SHISA6: variants seen among roughly 807,000 people sequenced by gnomAD.
SHISA6 encodes the protein shisa family member 6.
In SHISA6, 22 loss-of-function variants were observed where a neutral mutation model predicts 47.9. The observed-to-expected ratio is 0.46, with a 90% CI of 0.33 to 0.66. SHISA6 has a LOEUF of 0.66. Ranked by LOEUF, SHISA6 falls within the 30% of genes least tolerant of loss-of-function variation. SHISA6 has a pLI of 0.02. For missense variants in SHISA6, 680 were observed against 764.6 expected, an observed-to-expected ratio of 0.89 and a Z score of 1.30; for synonymous variants, 388 against 337.8, an observed-to-expected ratio of 1.15 and a Z score of -1.63.
At chr17:11,259,350 G>A (rs1176421951) in intron 1 of SHISA6, among the ~76,000 whole-genome samples, 1 of 152,176 alleles carries the variant, frequency 6.6e-6, no homozygotes, top group Non-Finnish European at 1.5e-5. Context: ...GCTACCGATG[G>A]CACATCCCTT....
At chr17:11,534,458 T>C (rs909574713) in intron 3 of SHISA6, among the ~76,000 whole-genome samples, 5 of 152,182 alleles carry the variant, frequency 3.3e-5, no homozygotes, top group Admixed American at 6.5e-5. Flanking sequence ...GGAAGGGCTA[T>C]GTTAGACTCC....
At chr17:11,454,986 G>A (rs1259857225) in intron 3 of SHISA6, among the ~76,000 whole-genome samples, 1 of 151,634 alleles carries the variant, frequency 6.6e-6, no homozygotes, top group Non-Finnish European at 1.5e-5. Context: ...TGGCTAACAG[G>A]GTGAAATCCT....
chr17:11,457,794 A>C (rs190488311), intron 3 of SHISA6, among the ~76,000 whole-genome samples: 16 of 150,276 alleles, frequency 1.1e-4, no homozygotes, highest in African/African-American at 3.7e-4. Context: ...ATAAAAATAG[A>C]GAATGCCTGG....
intron 1 of SHISA6, among the ~76,000 whole-genome samples, chr17:11,244,998 G>A (rs1394853690): frequency 6.6e-6 from 1 of 152,166 alleles, no homozygotes; most frequent in Non-Finnish European, 1.5e-5. Flanking sequence ...GCCTGCCCAT[G>A]CACACACATT....
chr17:11,302,529 T>C (rs1909965620), intron 2 of SHISA6, among the ~76,000 whole-genome samples: 1 of 152,166 alleles, frequency 6.6e-6, no homozygotes, highest in South Asian at 2.1e-4. Flanking sequence ...GTACATCTGG[T>C]ACATGAACGT....
chr17:11,382,518 T>C (rs1215073958), intron 3 of SHISA6, among the ~76,000 whole-genome samples: 1 of 152,216 alleles, frequency 6.6e-6, no homozygotes, highest in Non-Finnish European at 1.5e-5. Context: ...ACTGGCCCCA[T>C]GTAAATATCC....
intron 2 of SHISA6, among the ~76,000 whole-genome samples, chr17:11,302,206 C>G (rs992901250): frequency 1.3e-5 from 2 of 152,120 alleles, no homozygotes; most frequent in African/African-American, 4.8e-5. Flanking sequence ...AGGCCTAGAG[C>G]TTAACTTTAG....
At chr17:11,521,506 A>T (rs2142363233) in intron 3 of SHISA6, among the ~76,000 whole-genome samples, 1 of 152,334 alleles carries the variant, frequency 6.6e-6, no homozygotes, top group African/African-American at 2.4e-5. Flanking sequence ...AACTGAAGGC[A>T]GGCGCAGTGG....
intron 3 of SHISA6, among the ~76,000 whole-genome samples, chr17:11,440,362 A>C (rs1311218349): frequency 6.6e-6 from 1 of 152,066 alleles, no homozygotes; most frequent in Non-Finnish European, 1.5e-5. Flanking sequence ...GTATAGAGGA[A>C]AATCCAATTT....
intron 2 of SHISA6, among the ~76,000 whole-genome samples, chr17:11,339,211 G>T (rs578202148): frequency 6.6e-6 from 1 of 150,652 alleles, no homozygotes; most frequent in African/African-American, 2.4e-5. Flanking sequence ...ATTGCCCCTG[G>T]CCTGTTATAT....
intron 3 of SHISA6, among the ~76,000 whole-genome samples, chr17:11,458,459 G>A (rs11868952): frequency 1.3e-5 from 2 of 152,196 alleles, no homozygotes; most frequent in African/African-American, 4.8e-5. Flanking sequence ...AGACGCCGAA[G>A]AAGGAGTGAT....
At chr17:11,553,134 G>C (rs2071945348) in intron 4 of SHISA6, among the ~76,000 whole-genome samples, 1 of 152,194 alleles carries the variant, frequency 6.6e-6, no homozygotes, top group Non-Finnish European at 1.5e-5. Flanking sequence ...TGGACACCTG[G>C]AGTTTGCAAG....
intron 2 of SHISA6, chr17:11,288,998 C>T (rs994323092): frequency 1.3e-5 from 2 of 151,970 alleles, no homozygotes; most frequent in Admixed American, 6.6e-5. Flanking sequence ...TGAGGAGTAA[C>T]AAACATGGTA....
chr17:11,543,225 A>G (rs912857801), intron 3 of SHISA6, among the ~76,000 whole-genome samples: 1 of 152,214 alleles, frequency 6.6e-6, no homozygotes, highest in South Asian at 2.1e-4. Context: ...AATAATTTTT[A>G]TACTGCATTG....
At chr17:11,502,303 G>A (rs574854006) in intron 3 of SHISA6, among the ~76,000 whole-genome samples, 1 of 150,764 alleles carries the variant, frequency 6.6e-6, no homozygotes, top group South Asian at 2.1e-4. Flanking sequence ...CAGCTACTCG[G>A]GAGGCTGAGG....
chr17:11,372,852 C>T (rs1021845790), intron 2 of SHISA6, among the ~76,000 whole-genome samples: 3 of 152,036 alleles, frequency 2.0e-5, no homozygotes, highest in African/African-American at 7.2e-5. Flanking sequence ...CAGCTCTGTG[C>T]CTGTTCTGAG....
Position 11,561,974 on chromosome 17 carries a change from G to A in SHISA6, c.*3670G>A, listed in dbSNP as rs1157394925. The A allele has an allele frequency of 6.6e-6, 1 of 152,268 alleles. No homozygotes were observed. The highest frequency in any genetic ancestry group is 6.5e-5 in the Admixed American group (1 of 15,282). 9.4% of individuals were successfully genotyped at this position (152,268 alleles called of 1,614,324 possible). ...GTTTGAGATGTCATGGCCTGTGATA[G>A]TCAGTTTGGTTCCTGCCACTAGCAA... On this transcript the variant is annotated 3_prime_UTR_variant, in exon 6 of 6. Coordinates refer to ENST00000441885, the MANE Select transcript of SHISA6 (RefSeq NM_207386.4).
chr17:11,532,384 C>T (rs2071742386), intron 3 of SHISA6, among the ~76,000 whole-genome samples: 1 of 152,216 alleles, frequency 6.6e-6, no homozygotes, highest in Non-Finnish European at 1.5e-5. Flanking sequence ...GACGTTGGTG[C>T]CTGGTGCCCA....
chr17:11,498,171 A>T (rs2071423670), intron 3 of SHISA6, among the ~76,000 whole-genome samples: 1 of 152,214 alleles, frequency 6.6e-6, no homozygotes, highest in Non-Finnish European at 1.5e-5. Flanking sequence ...TCTCAGGATA[A>T]ACAGGGATGT....
Sources: gnomAD v4.1 joint callset for allele counts (sites outside exome capture counted in the v4.1 genomes callset) on GRCh38, gnomAD v4.1.1 for gene constraint, MANE v1.5 for transcripts, NCBI Gene and HGNC (gene_info 2026-07-23, HGNC 2026-07-21) for gene names.